Variants in STX17 observed in about 807,000 individuals in gnomAD.
STX17 encodes the protein syntaxin 17.
Under a neutral mutation model 35.9 loss-of-function variants are expected in STX17, and 29 were observed. The ratio of observed to expected loss-of-function variants is 0.81; its 90% CI spans 0.60 to 1.10. The LOEUF (loss-of-function observed/expected upper bound fraction) is 1.10, where lower values mean the gene tolerates loss of function less well. Among genes scored for constraint, STX17 ranks in the 50% least tolerant of loss-of-function variants. The pLI, the probability that STX17 is intolerant of heterozygous loss-of-function variation, is 0.00. For missense variants in STX17, 312 were observed against 352.3 expected, an observed-to-expected ratio of 0.89 and a Z score of 0.92; for synonymous variants, 92 against 118.3, an observed-to-expected ratio of 0.78 and a Z score of 1.44.
At chr9:99,954,900 A>T (rs1829677014) in intron 4 of STX17, among the ~76,000 whole-genome samples, 2 of 152,082 alleles carry the variant, frequency 1.3e-5, no homozygotes, top group South Asian at 4.1e-4. Context: ...AAGTTTAGGG[A>T]GAAGCTGTGA....
intron 3 of STX17, among the ~76,000 whole-genome samples, chr9:99,930,902 A>T (rs967249195): frequency 1.3e-5 from 2 of 152,162 alleles, no homozygotes; most frequent in African/African-American, 4.8e-5. Context: ...TCAATATTGA[A>T]GGCTTTCTAT....
At chr9:99,947,275 T>C (rs1026896130) in intron 3 of STX17, among the ~76,000 whole-genome samples, 5 of 152,204 alleles carry the variant, frequency 3.3e-5, no homozygotes, top group African/African-American at 1.2e-4. Flanking sequence ...AGAATATTCA[T>C]TAAAAAACCT....
chr9:99,964,643 TGATA>T (rs745618666), intron 6 of STX17, among the ~76,000 whole-genome samples: 9 of 151,836 alleles, frequency 5.9e-5, no homozygotes, highest in Non-Finnish European at 1.0e-4. Context: ...CAGGGGAGAT[TGATA>T]GATAGAGGTT....
intron 2 of STX17, among the ~76,000 whole-genome samples, chr9:99,924,695 T>C (rs1193111751): frequency 6.6e-6 from 1 of 152,220 alleles, no homozygotes; most frequent in Non-Finnish European, 1.5e-5. Context: ...GACAATCATG[T>C]AATCTGTGAA....
chr9:99,922,683 C>G (rs748935747), intron 2 of STX17, among the ~76,000 whole-genome samples: 1 of 152,202 alleles, frequency 6.6e-6, no homozygotes, highest in Non-Finnish European at 1.5e-5. Flanking sequence ...GAGCCCCATT[C>G]CAGGGGCAGC....
chr9:99,957,394 A>G (rs1383168189), intron 4 of STX17, among the ~76,000 whole-genome samples: 1 of 152,162 alleles, frequency 6.6e-6, no homozygotes, highest in Non-Finnish European at 1.5e-5. Flanking sequence ...TGGCTCTTCT[A>G]AAATACAAAT....
intron 3 of STX17, among the ~76,000 whole-genome samples, chr9:99,947,058 C>G (rs1174276559): frequency 6.6e-6 from 1 of 152,014 alleles, no homozygotes; most frequent in African/African-American, 2.4e-5. Context: ...CCGTCTTCTT[C>G]TGGAATTCTA....
At chr9:99,959,063 T>G (rs577240159) in intron 4 of STX17, among the ~76,000 whole-genome samples, 1 of 152,226 alleles carries the variant, frequency 6.6e-6, no homozygotes, top group Non-Finnish European at 1.5e-5. Context: ...GGTATTTACA[T>G]TGAAATAGCC....
chr9:99,965,297 A>C (rs765630209), intron 6 of STX17, among the ~76,000 whole-genome samples: 5 of 152,232 alleles, frequency 3.3e-5, no homozygotes, highest in Non-Finnish European at 7.3e-5. Context: ...ATAGAAGTAC[A>C]ATATCCAACC....
At chr9:99,928,878 T>G (rs1829048063) in intron 3 of STX17, 35 bp downstream of exon 3, 1 of 1,592,874 alleles carries the variant, frequency 6.3e-7, no homozygotes, top group African/African-American at 1.3e-5. Context: ...TAAATCAGTA[T>G]GAAAAAGACA....
intron 3 of STX17, among the ~76,000 whole-genome samples, chr9:99,930,603 C>T (rs561924779): frequency 2.0e-5 from 3 of 152,202 alleles, no homozygotes; most frequent in South Asian, 2.1e-4. Context: ...CTTCTGAACT[C>T]TTCTTCCCCT....
At chr9:99,937,455 G>A (rs1215247835) in intron 3 of STX17, among the ~76,000 whole-genome samples, 5 of 152,038 alleles carry the variant, frequency 3.3e-5, no homozygotes, top group Admixed American at 3.3e-4. Context: ...TGTTTTATCT[G>A]TGTGTTTTAT....
chr9:99,907,026 C>T (rs1489170360), intron 1 of STX17: 1 of 152,266 alleles, frequency 6.6e-6, no homozygotes, highest in Non-Finnish European at 1.5e-5. Flanking sequence ...TCGCCAGGGT[C>T]GCTGGCGTCT....
At chr9:99,927,925 T>C (rs1007033219) in intron 2 of STX17, among the ~76,000 whole-genome samples, 2 of 152,202 alleles carry the variant, frequency 1.3e-5, no homozygotes, top group South Asian at 2.1e-4. Flanking sequence ...CCTAGAAATT[T>C]TTTTTAATGC....
intron 3 of STX17, among the ~76,000 whole-genome samples, chr9:99,940,384 G>A (rs1310687218): frequency 3.3e-5 from 5 of 151,846 alleles, no homozygotes; most frequent in South Asian, 2.1e-4. Context: ...CGCCCGCGTC[G>A]GCCTCCCAAG....
chr9:99,934,234 C>T (rs530437621), intron 3 of STX17, among the ~76,000 whole-genome samples: 1 of 152,016 alleles, frequency 6.6e-6, no homozygotes, highest in Non-Finnish European at 1.5e-5. Context: ...TTAGTTGGCA[C>T]TTCATAAGAA....
rs1325388748 is a variant in STX17, at chr9:99,971,051, CT to C, written c.*2383del. 6.6e-6 allele frequency among the ~76,000 whole-genome samples: 1 copy of C among 152,290 alleles called. No individual in the cohort carries two copies. The highest frequency in any genetic ancestry group is 2.4e-5 in the African/African-American group (1 of 41,568). The stretch of plus-strand genomic sequence containing the variant: ...CCCTATAATGGAACCTAATAGCCAA[CT>C]TTTTCATAGAAATTGCTAGAAGAGT... On this transcript the variant is annotated 3_prime_UTR_variant, in exon 8 of 8. Transcript: ENST00000259400.
In STX17 at chr9:99,968,839, G is replaced by A; in HGVS notation, c.*166G>A. The A allele has an allele frequency of 9.1e-7, 1 of 1,098,534 alleles. No homozygotes were observed. The highest frequency in any genetic ancestry group is 1.3e-6 in the Non-Finnish European group (1 of 792,404). The allele number at this position is 1,098,534 out of a possible 1,614,324, so 68.0% of individuals were successfully genotyped here. On this transcript the variant is annotated 3_prime_UTR_variant, in exon 8 of 8. Transcript: ENST00000259400. ...TGGATATATTTTGTTGTTTGCTGGG[G>A]TGTTCATGGAGATGTTAAGAGATTG...
intron 2 of STX17, among the ~76,000 whole-genome samples, chr9:99,918,439 C>T (rs1828822977): frequency 1.3e-5 from 2 of 152,014 alleles, no homozygotes; most frequent in Admixed American, 1.3e-4. Flanking sequence ...TCTGGCCTCT[C>T]CTTTTCTTTT....
Sources: allele counts gnomAD v4.1 joint callset (sites outside exome capture counted in the v4.1 genomes callset), GRCh38; gene constraint gnomAD v4.1.1; transcripts MANE v1.5; gene names NCBI Gene and HGNC (gene_info 2026-07-23, HGNC 2026-07-21).